Variants in SGCZ observed in about 807,000 individuals in gnomAD.
SGCZ encodes the protein sarcoglycan zeta.
SGCZ carries 40 observed loss-of-function variants against 41.3 expected under a neutral mutation model. That is an observed-to-expected ratio of 0.97 (90% CI 0.75 to 1.26). The LOEUF (loss-of-function observed/expected upper bound fraction) is 1.26, where lower values mean the gene tolerates loss of function less well. Ranked by LOEUF, SGCZ falls within the 50% of genes most tolerant of loss-of-function variation. The pLI, the probability that SGCZ is intolerant of heterozygous loss-of-function variation, is 0.00. For synonymous variants in SGCZ, 206 were observed against 137.5 expected (o/e 1.50, Z -3.49); for missense variants, 552 against 369.8 (o/e 1.49, Z -4.04).
chr8:14,900,706 A>G (rs1342906213), intron 1 of SGCZ, among the ~76,000 whole-genome samples: 1 of 152,186 alleles, frequency 6.6e-6, no homozygotes, highest in Non-Finnish European at 1.5e-5. Context: ...TCTCATTTGC[A>G]GTTTACGAAA....
At chr8:14,765,834 T>A (rs1196264378) in intron 1 of SGCZ, among the ~76,000 whole-genome samples, 1 of 152,048 alleles carries the variant, frequency 6.6e-6, no homozygotes, top group African/African-American at 2.4e-5. Context: ...AAAAGTTAAA[T>A]CGTAGTAAAA....
chr8:14,146,310 A>G (rs1803518667), intron 5 of SGCZ, among the ~76,000 whole-genome samples: 1 of 152,060 alleles, frequency 6.6e-6, no homozygotes. Flanking sequence ...AAGCAAAAAA[A>G]TGGTTACCCT....
intron 1 of SGCZ, among the ~76,000 whole-genome samples, chr8:14,895,685 A>G (rs949529989): frequency 6.6e-6 from 1 of 152,220 alleles, no homozygotes; most frequent in Admixed American, 6.5e-5. Flanking sequence ...CTACTAAAAT[A>G]TTACTGTGTG....
chr8:14,341,713 T>A (rs186120461), intron 2 of SGCZ, among the ~76,000 whole-genome samples: 1 of 152,204 alleles, frequency 6.6e-6, no homozygotes, highest in Non-Finnish European at 1.5e-5. Context: ...CAGTCATTCC[T>A]GTGCTATTCT....
chr8:14,313,375 G>T (rs1037521633), intron 3 of SGCZ, among the ~76,000 whole-genome samples: 1 of 152,062 alleles, frequency 6.6e-6, no homozygotes, highest in African/African-American at 2.4e-5. Context: ...TCACAGTTGC[G>T]CCATCTCGGC....
intron 1 of SGCZ, among the ~76,000 whole-genome samples, chr8:14,709,863 C>A (rs527567164): frequency 1.6e-4 from 25 of 152,256 alleles, no homozygotes; most frequent in African/African-American, 5.8e-4. Flanking sequence ...GCAATCTACA[C>A]TACTTTTATG....
chr8:14,216,599 G>A (rs901469108), intron 4 of SGCZ, among the ~76,000 whole-genome samples: 1 of 151,942 alleles, frequency 6.6e-6, no homozygotes, highest in Non-Finnish European at 1.5e-5. Flanking sequence ...GGTATGCCAG[G>A]GTGGTTCAAC....
intron 1 of SGCZ, among the ~76,000 whole-genome samples, chr8:15,080,470 G>A (rs1197127036): frequency 6.6e-6 from 1 of 152,052 alleles, no homozygotes; most frequent in African/African-American, 2.4e-5. Context: ...CCCAACGCCA[G>A]CCTAAAATGT....
chr8:14,351,281 G>T (rs537843868), intron 2 of SGCZ, among the ~76,000 whole-genome samples: 3 of 151,816 alleles, frequency 2.0e-5, no homozygotes, highest in Admixed American at 6.6e-5. Flanking sequence ...TTACCTCATG[G>T]GCATGTAAAT....
Position 14,782,674 on chromosome 8 carries a change from A to T in SGCZ, c.40-227748T>A, listed in dbSNP as rs74391781. ...TAAGGGTTTTAGATGAATTATTGAG[A>T]TGGTTATAGAAAAAAAATTATTAGC... On this transcript the variant is annotated intron_variant, in intron 1 of 7. Transcript: ENST00000382080. Among the ~76,000 whole-genome samples, 460 of 139,196 alleles carry T rather than the reference A, an allele frequency of 3.3e-3. 3 individuals are homozygous for T. The highest frequency in any genetic ancestry group is 0.01 in the African/African-American group (426 of 40,636). 91.3% of individuals were successfully genotyped at this position (139,196 alleles called of 152,430 possible). A position where few individuals can be genotyped will look rare whatever the true frequency, so the allele number is the denominator to read the frequency against.
intron 1 of SGCZ, among the ~76,000 whole-genome samples, chr8:14,948,737 C>T (rs1377575610): frequency 2.0e-5 from 3 of 152,146 alleles, no homozygotes; most frequent in Non-Finnish European, 4.4e-5. Flanking sequence ...ACTAAGCCTT[C>T]TATCCTTCTT....
At position 14,520,641 on chromosome 8, in the gene SGCZ, A is replaced by G. The variant is rs190053127; in HGVS notation, c.234+34091T>C. ...AATGAAGCAGGGATAAGGGCACAAT[A>G]TATTTCTGTGTGAAAATAAAAGAGA... On this transcript the variant is annotated intron_variant, in intron 2 of 7. Coordinates refer to ENST00000382080, the MANE Select transcript of SGCZ (RefSeq NM_139167.4). 5.2e-3 allele frequency among the ~76,000 whole-genome samples: 790 copies of G among 152,272 alleles called. 9 individuals carry two copies. Among genetic ancestry groups the G allele is most frequent in the South Asian group, 0.02 (96 of 4,822 alleles).
At chr8:14,730,532 A>G (rs189703461) in intron 1 of SGCZ, among the ~76,000 whole-genome samples, 6 of 152,010 alleles carry the variant, frequency 3.9e-5, no homozygotes, top group African/African-American at 1.5e-4. Flanking sequence ...ATGAACTCAG[A>G]AGAAGGGAAT....
At chr8:14,642,630 G>A (rs73664419) in intron 1 of SGCZ, among the ~76,000 whole-genome samples, 1 of 151,552 alleles carries the variant, frequency 6.6e-6, no homozygotes, top group African/African-American at 2.4e-5. Context: ...ATTTTCAATG[G>A]TAGCTTCCTT....
At chr8:14,457,542 G>A (rs547135409) in intron 2 of SGCZ, among the ~76,000 whole-genome samples, 13 of 152,178 alleles carry the variant, frequency 8.5e-5, no homozygotes, top group East Asian at 3.9e-4. Flanking sequence ...AGGCCTAACC[G>A]TCTCCCTGTG....
chr8:15,059,370 C>T (rs1287558751), intron 1 of SGCZ, among the ~76,000 whole-genome samples: 1 of 152,056 alleles, frequency 6.6e-6, no homozygotes, highest in African/African-American at 2.4e-5. Context: ...GTTAAAAGAG[C>T]GGATATGTCA....
rs1273367759 is a variant in SGCZ, at chr8:14,088,574, TTG to T, written c.*1867_*1868del. 2.2e-4 allele frequency among the ~76,000 whole-genome samples: 34 copies of T among 151,864 alleles called. No individual in the cohort carries two copies. Among genetic ancestry groups the T allele is most frequent in the Non-Finnish European group, 4.4e-5 (3 of 67,850 alleles). ...TCTTATTTTAATATAAATTAAACTC[TTG>T]TGTTATAACTTTGTAAGCAATCGTA... On this transcript the variant is annotated 3_prime_UTR_variant, in exon 8 of 8. Transcript: ENST00000382080.
intron 1 of SGCZ, among the ~76,000 whole-genome samples, chr8:14,853,946 C>T (rs1426402059): frequency 6.7e-6 from 1 of 148,162 alleles, no homozygotes; most frequent in East Asian, 2.0e-4. Flanking sequence ...TCTTTCAAGG[C>T]CTATATCAAA....
chr8:14,334,650 C>A (rs1802449686), intron 2 of SGCZ, among the ~76,000 whole-genome samples: 1 of 151,848 alleles, frequency 6.6e-6, no homozygotes, highest in South Asian at 2.1e-4. Context: ...TTCTTATTTG[C>A]CTCAAATTTG....
Sources: allele counts gnomAD v4.1 joint callset (sites outside exome capture counted in the v4.1 genomes callset), GRCh38; gene constraint gnomAD v4.1.1; transcripts MANE v1.5; gene names NCBI Gene and HGNC (gene_info 2026-07-23, HGNC 2026-07-21).